The following ARHGAP39 variants were observed in gnomAD, a reference collection of about 807,000 sequenced individuals.
ARHGAP39 encodes the protein rho GTPase-activating protein 39.
A neutral mutation model predicts 106.9 loss-of-function variants in ARHGAP39; 44 were observed. The observed-to-expected ratio is 0.41, with a 90% CI of 0.32 to 0.53. ARHGAP39 has a LOEUF of 0.53. Ranked by LOEUF, ARHGAP39 falls within the 20% of genes least tolerant of loss-of-function variation. The pLI, the probability that ARHGAP39 is intolerant of heterozygous loss-of-function variation, is 0.21. For synonymous variants in ARHGAP39, 768 were observed against 693.2 expected, an observed-to-expected ratio of 1.11 and a Z score of -1.69; for missense variants, 1,496 against 1,577.3, an observed-to-expected ratio of 0.95 and a Z score of 0.87.
At chr8:144,595,387 C>A (rs1819581051) in intron 2 of ARHGAP39, among the ~76,000 whole-genome samples, 1 of 152,148 alleles carries the variant, frequency 6.6e-6, no homozygotes, top group African/African-American at 2.4e-5. Context: ...TCCCACAGGA[C>A]ACAAAGCCGG....
Position 144,547,352 on chromosome 8 carries a change from G to T in ARHGAP39, c.1734C>A (p.Ser578=). 7 of 1,603,934 alleles carry T rather than the reference G, an allele frequency of 4.4e-6. No individual in the cohort carries two copies. The highest frequency in any genetic ancestry group is 1.3e-5 in the African/African-American group (1 of 74,974). The part of the protein sequence containing the change: ...FHMKQRSSWD[S]QQDGSGYESD... Reference sequence around the variant, plus strand: ...TCTCGTAGCCAGAGCCGTCCTGCTGGGAGTCCCAGCTGCTCCTCTGCTTCA... The same window carrying T: ...TCTCGTAGCCAGAGCCGTCCTGCTGTGAGTCCCAGCTGCTCCTCTGCTTCA... The change falls in exon 5 of 12, where the codon TCC becomes TCA. Residue 578 remains serine (S), a synonymous_variant. Transcript: ENST00000377307. This position sits in a 1 kb window ranked among gnomAD's most constrained non-coding sequence, Gnocchi z 5.2.
intron 2 of ARHGAP39, among the ~76,000 whole-genome samples, chr8:144,587,624 C>T (rs1056441064): frequency 1.3e-4 from 19 of 151,488 alleles, no homozygotes; most frequent in Non-Finnish European, 1.9e-4. Context: ...CCTGCTGGGT[C>T]CCCACGAGGA....
At chr8:144,650,468 G>A (rs1056780699) in intron 1 of ARHGAP39, among the ~76,000 whole-genome samples, 1 of 151,888 alleles carries the variant, frequency 6.6e-6, no homozygotes, top group Non-Finnish European at 1.5e-5. Flanking sequence ...ATATATTCAG[G>A]CCAACATCCT....
intron 3 of ARHGAP39, among the ~76,000 whole-genome samples, chr8:144,564,892 T>C (rs1018085679): frequency 6.6e-6 from 1 of 151,674 alleles, no homozygotes; most frequent in Admixed American, 6.6e-5. Context: ...GCGAGTCATC[T>C]GAGGTCAGGA....
At chr8:144,699,839 A>G in the ARHGAP39 span, among the ~76,000 whole-genome samples, 2 of 152,134 alleles carry the variant, frequency 1.3e-5, no homozygotes, top group Non-Finnish European at 2.9e-5. Context: ...CCTCCGGGCT[A>G]GAACCTGTCG....
At chr8:144,673,906 G>A (rs1822165559) in intron 1 of ARHGAP39, among the ~76,000 whole-genome samples, 1 of 152,238 alleles carries the variant, frequency 6.6e-6, no homozygotes, top group African/African-American at 2.4e-5. Context: ...CCAGCTCTGT[G>A]CGAGGCTGCG....
intron 1 of ARHGAP39, among the ~76,000 whole-genome samples, chr8:144,676,391 C>T (rs189798201): frequency 4.7e-4 from 72 of 151,834 alleles, no homozygotes; most frequent in African/African-American, 1.7e-3. Context: ...CTGATTGGTG[C>T]GTTTACAAAC....
the ARHGAP39 span, among the ~76,000 whole-genome samples, chr8:144,692,370 C>A: frequency 3.2e-4 from 48 of 152,318 alleles, no homozygotes; most frequent in Non-Finnish European, 5.0e-4. Flanking sequence ...TCTGTCTCTG[C>A]TGGAGACAGA....
At chr8:144,541,444 G>A (rs563001422) in intron 6 of ARHGAP39, among the ~76,000 whole-genome samples, 2 of 152,270 alleles carry the variant, frequency 1.3e-5, no homozygotes, top group South Asian at 2.1e-4. Context: ...GTGACATTAA[G>A]TACATTTACA....
In ARHGAP39 at chr8:144,623,089, G is replaced by GAATA. The variant is rs558928450; in HGVS notation, c.-81-17398_-81-17395dup. The stretch of plus-strand genomic sequence containing the variant: ...AAGTCCTGTGTGGACGGAGTGCTCA[G>GAATA]AATAAAATGTTCCTGGATCTTTGAA... On this transcript the variant is annotated intron_variant, in intron 1 of 11. Coordinates refer to ENST00000377307, the MANE Select transcript of ARHGAP39 (RefSeq NM_025251.3). Among the ~76,000 whole-genome samples the GAATA allele has an allele frequency of 1.3e-4, 20 of 152,336 alleles. 1 individual carries two copies. The South Asian group carries it at 3.9e-3, about 30-fold the overall frequency.
the ARHGAP39 span, among the ~76,000 whole-genome samples, chr8:144,692,430 GC>G: frequency 4.6e-5 from 7 of 152,198 alleles, no homozygotes; most frequent in African/African-American, 1.7e-4. Flanking sequence ...AGTCAGCATG[GC>G]CTGGGGCAGC....
At chr8:144,687,812 G>T (rs1158343307), upstream of ARHGAP39, among the ~76,000 whole-genome samples, 1 of 119,388 alleles carries the variant, frequency 8.4e-6, no homozygotes, top group African/African-American at 3.5e-5. Context: ...CCACACACTG[G>T]CGGTGAGCAC....
intron 7 of ARHGAP39, 23 bp downstream of exon 7, chr8:144,537,698 G>A (rs753575968): frequency 4.8e-5 from 77 of 1,601,612 alleles, no homozygotes; most frequent in Non-Finnish European, 6.4e-5. Flanking sequence ...GCCGCGCCCA[G>A]GGGCTGCGGG....
At chr8:144,696,269 G>T in the ARHGAP39 span, among the ~76,000 whole-genome samples, 3 of 152,082 alleles carry the variant, frequency 2.0e-5, no homozygotes, top group Non-Finnish European at 4.4e-5. Flanking sequence ...CTCCTGAGTC[G>T]TTAGGATGAC....
chr8:144,568,031 A>C (rs1818464395), intron 3 of ARHGAP39, among the ~76,000 whole-genome samples: 1 of 152,042 alleles, frequency 6.6e-6, no homozygotes, highest in African/African-American at 2.4e-5. Context: ...ATGGGGAGAA[A>C]ACCCACTGAC....
At chr8:144,638,740 G>C (rs543927669) in intron 1 of ARHGAP39, among the ~76,000 whole-genome samples, 1 of 151,992 alleles carries the variant, frequency 6.6e-6, no homozygotes, top group South Asian at 2.1e-4. Flanking sequence ...CTCAATTTTC[G>C]AGACTTTTGA....
chr8:144,598,485 G>A (rs1819716214), intron 2 of ARHGAP39, among the ~76,000 whole-genome samples: 1 of 152,236 alleles, frequency 6.6e-6, no homozygotes, highest in Non-Finnish European at 1.5e-5. Flanking sequence ...AGACAGACGG[G>A]CAGAAGCAGC....
the ARHGAP39 span, among the ~76,000 whole-genome samples, chr8:144,692,858 C>G: frequency 7.0e-6 from 1 of 142,948 alleles, no homozygotes; most frequent in African/African-American, 2.6e-5. Flanking sequence ...CTCCCAGGTT[C>G]AAGCGATTCT....
At chr8:144,686,877 A>AC (rs1480054069), upstream of ARHGAP39, among the ~76,000 whole-genome samples, 38 of 152,114 alleles carry the variant, frequency 2.5e-4, no homozygotes, top group South Asian at 1.7e-3. Context: ...TAAACTTGTG[A>AC]CAACACACTG....
Sources: allele counts gnomAD v4.1 joint callset (sites outside exome capture counted in the v4.1 genomes callset), GRCh38; gene constraint gnomAD v4.1.1; non-coding constraint Gnocchi (gnomAD v3.1); transcripts MANE v1.5; gene names NCBI Gene and HGNC (gene_info 2026-07-23, HGNC 2026-07-21).